THSD7B: variants seen among roughly 807,000 people sequenced by gnomAD.
THSD7B encodes thrombospondin type-1 domain-containing protein 7B.
A neutral mutation model predicts 213.6 loss-of-function variants in THSD7B; 138 were observed. The observed-to-expected ratio is 0.65, with a 90% CI of 0.56 to 0.74. The LOEUF (loss-of-function observed/expected upper bound fraction) is 0.74. THSD7B is among the 30% of genes least tolerant of loss of function. The probability of loss-of-function intolerance (pLI) is 0.00; values close to 1 mark genes in which losing one functional copy is unlikely to be tolerated. For synonymous variants in THSD7B, 742 were observed against 687.0 expected (o/e 1.08, Z -1.25); for missense variants, 1,931 against 1,991.5 (o/e 0.97, Z 0.58).
At chr2:137,576,181 C>A (rs554437566) in intron 17 of THSD7B, among the ~76,000 whole-genome samples, 13 of 152,142 alleles carry the variant, frequency 8.5e-5, no homozygotes, top group Non-Finnish European at 1.6e-4. Flanking sequence ...CACAGATTTT[C>A]TATTTATATC....
rs527332620 is a variant in THSD7B at position 136,827,210 on chromosome 2, G to A, written c.-35-54934G>A. ...AGGATTTCTGACCCAATTTTTCTGC[G>A]GATCTTTCATTGACTTGGAGTACAT... On this transcript the variant is annotated intron_variant, in intron 1 of 27. Transcript: ENST00000409968. Among the ~76,000 whole-genome samples the A allele has an allele frequency of 5.9e-5, 9 of 152,188 alleles. No individual in the cohort carries two copies. The South Asian group carries it at 8.3e-4, about 14-fold the overall frequency.
At chr2:136,952,214 C>G (rs898443163) in intron 2 of THSD7B, among the ~76,000 whole-genome samples, 1 of 151,636 alleles carries the variant, frequency 6.6e-6, no homozygotes, top group African/African-American at 2.4e-5. Context: ...CCAACCCCCA[C>G]CCCCCCAAAA....
chr2:137,574,508 A>G lies in THSD7B; in HGVS notation c.3423+1952A>G, dbSNP rs367691695. On this transcript the variant is annotated intron_variant, in intron 17 of 27. Transcript: ENST00000409968. ...CAGACTTTTATTGAGCATATCTTAT[A>G]TAACCAACATTATACTGAAAGCTAC... 4.6e-5 allele frequency among the ~76,000 whole-genome samples: 7 copies of G among 152,224 alleles called. No homozygotes were observed. In the South Asian group the frequency reaches 1.4e-3, roughly 32 times the overall value.
intron 12 of THSD7B, among the ~76,000 whole-genome samples, chr2:137,332,588 CAT>C (rs1467876185): frequency 6.6e-6 from 1 of 152,100 alleles, no homozygotes; most frequent in Non-Finnish European, 1.5e-5. Context: ...AATGTGAGGA[CAT>C]GAGATTTGTG....
intron 4 of THSD7B, among the ~76,000 whole-genome samples, chr2:137,111,574 G>T (rs1278685934): frequency 6.6e-6 from 1 of 152,148 alleles, no homozygotes; most frequent in African/African-American, 2.4e-5. Context: ...TCATAGGGTT[G>T]CTGGGAGGAT....
intron 2 of THSD7B, among the ~76,000 whole-genome samples, chr2:136,966,635 C>T (rs1333722410): frequency 5.3e-5 from 8 of 152,132 alleles, no homozygotes; most frequent in Admixed American, 5.2e-4. Flanking sequence ...TGCCTGGTCT[C>T]TGAGTTGTGC....
chr2:137,585,343 G>T (rs60070124), intron 17 of THSD7B, among the ~76,000 whole-genome samples: 1 of 151,898 alleles, frequency 6.6e-6, no homozygotes, highest in African/African-American at 2.4e-5. Context: ...ATCTCCTTCA[G>T]TTCTGCTCTG....
intron 1 of THSD7B, among the ~76,000 whole-genome samples, chr2:136,790,795 C>A (rs533819789): frequency 6.3e-4 from 96 of 152,056 alleles, no homozygotes; most frequent in African/African-American, 2.3e-3. Flanking sequence ...AGACCAAGGA[C>A]GCTACAAACT....
chr2:136,843,394 C>CGTGAATGT (rs1682949026), intron 1 of THSD7B, among the ~76,000 whole-genome samples: 1 of 152,086 alleles, frequency 6.6e-6, no homozygotes, highest in Non-Finnish European at 1.5e-5. Context: ...GAATCGTATT[C>CGTGAATGT]GTGAATGTCC....
intron 15 of THSD7B, among the ~76,000 whole-genome samples, chr2:137,551,891 C>G (rs1225676963): frequency 2.0e-5 from 3 of 152,042 alleles, no homozygotes; most frequent in Non-Finnish European, 4.4e-5. Flanking sequence ...GGACAGTTAT[C>G]AAGAGGGGTA....
At chr2:136,806,894 T>C (rs2104926821) in intron 1 of THSD7B, among the ~76,000 whole-genome samples, 2 of 152,320 alleles carry the variant, frequency 1.3e-5, no homozygotes, top group East Asian at 3.9e-4. Context: ...CCTTGGCAGT[T>C]TTGAAGAGTT....
chr2:137,641,619 G>C (rs1034378810), intron 20 of THSD7B, among the ~76,000 whole-genome samples: 2 of 152,216 alleles, frequency 1.3e-5, no homozygotes, highest in East Asian at 3.8e-4. Flanking sequence ...AAGAGAAAGA[G>C]AGAAGCACAA....
Position 137,490,179 on chromosome 2 carries a change from T to C in THSD7B, c.3138+39156T>C, listed in dbSNP as rs927854265. ...ATTGGCCACTAGAATTCATTCAGCA[T>C]GCAAAGGATACCCATTAAGTCTCAA... On this transcript the variant is annotated intron_variant, in intron 15 of 27. Transcript: ENST00000409968. 5.9e-5 allele frequency among the ~76,000 whole-genome samples: 9 copies of C among 152,322 alleles called. No individual in the cohort carries two copies. In the East Asian group the frequency reaches 1.5e-3, roughly 26 times the overall value.
intron 7 of THSD7B, among the ~76,000 whole-genome samples, chr2:137,188,016 G>C (rs575771867): frequency 6.6e-6 from 1 of 152,098 alleles, no homozygotes; most frequent in African/African-American, 2.4e-5. Context: ...GACACTGTAA[G>C]ATAAGTCTCA....
At chr2:137,382,578 A>T (rs1284907651) in intron 12 of THSD7B, among the ~76,000 whole-genome samples, 1 of 152,194 alleles carries the variant, frequency 6.6e-6, no homozygotes, top group African/African-American at 2.4e-5. Flanking sequence ...GGCTTGTGAG[A>T]GTATGGCAGG....
intron 5 of THSD7B, among the ~76,000 whole-genome samples, chr2:137,130,998 G>C (rs978581343): frequency 6.6e-6 from 1 of 150,994 alleles, no homozygotes; most frequent in African/African-American, 2.4e-5. Flanking sequence ...CCCACCAACA[G>C]TGTAAAAGTG....
intron 2 of THSD7B, among the ~76,000 whole-genome samples, chr2:136,893,349 C>T (rs1683898161): frequency 6.6e-6 from 1 of 152,160 alleles, no homozygotes; most frequent in South Asian, 2.1e-4. Context: ...TATTCTGCCT[C>T]GTGGTGAAAT....
intron 17 of THSD7B, among the ~76,000 whole-genome samples, chr2:137,609,170 C>T (rs1174338272): frequency 6.6e-6 from 1 of 152,126 alleles, no homozygotes; most frequent in Non-Finnish European, 1.5e-5. Flanking sequence ...CACACACAGT[C>T]TGTTGAAATC....
At chr2:137,003,700 A>G (rs1686046211) in intron 2 of THSD7B, among the ~76,000 whole-genome samples, 1 of 152,094 alleles carries the variant, frequency 6.6e-6, no homozygotes, top group Non-Finnish European at 1.5e-5. Flanking sequence ...GCATCTATTT[A>G]CTGTGTACCT....
Sources: gnomAD v4.1 joint callset for allele counts (sites outside exome capture counted in the v4.1 genomes callset) on GRCh38, gnomAD v4.1.1 for gene constraint, MANE v1.5 for transcripts, NCBI Gene and HGNC (gene_info 2026-07-23, HGNC 2026-07-21) for gene names.